Variants in GPC6 observed in about 807,000 individuals in gnomAD.
GPC6 encodes the protein glypican 6.
GPC6 carries 14 observed loss-of-function variants against 55.2 expected under a neutral mutation model. The observed-to-expected ratio is 0.25, with a 90% confidence interval of 0.17 to 0.40. The LOEUF (loss-of-function observed/expected upper bound fraction) is 0.40, where lower values mean the gene tolerates loss of function less well. GPC6 is among the 10% of genes least tolerant of loss of function. The probability of loss-of-function intolerance (pLI) is 1.00; values close to 1 mark genes in which losing one functional copy is unlikely to be tolerated. For missense variants in GPC6, 641 were observed against 708.5 expected (o/e 0.90, Z 1.08); for synonymous variants, 278 against 259.6 (o/e 1.07, Z -0.68).
chr13:93,657,285 G>A (rs1419350859), intron 2 of GPC6, among the ~76,000 whole-genome samples: 1 of 151,990 alleles, frequency 6.6e-6, no homozygotes, highest in East Asian at 1.9e-4. Context: ...AGAGAACCCA[G>A]AAATAAAACT....
intron 6 of GPC6, among the ~76,000 whole-genome samples, chr13:94,376,965 A>C (rs2139200654): frequency 6.6e-6 from 1 of 152,012 alleles, no homozygotes; most frequent in East Asian, 1.9e-4. Flanking sequence ...TTCCCTATTT[A>C]ATAAATGGTG....
At chr13:94,253,849 C>T (rs1333261) in intron 4 of GPC6, among the ~76,000 whole-genome samples, 53,329 of 151,910 alleles carry the variant, frequency 0.35, 11,492 homozygotes, top group African/African-American at 0.6. Context: ...CAGTAAATGA[C>T]GGAACACTTT....
intron 1 of GPC6, among the ~76,000 whole-genome samples, chr13:93,321,316 A>G (rs1451007312): frequency 6.6e-6 from 1 of 152,086 alleles, no homozygotes; most frequent in African/African-American, 2.4e-5. Context: ...GGCAAATCGC[A>G]TTACTTGCTT....
chr13:93,887,949 G>A (rs946747813), intron 3 of GPC6, among the ~76,000 whole-genome samples: 4 of 152,082 alleles, frequency 2.6e-5, no homozygotes, highest in African/African-American at 9.7e-5. Context: ...ATGGCCAGCA[G>A]TCCATCTGGG....
intron 1 of GPC6, among the ~76,000 whole-genome samples, chr13:93,500,251 C>T (rs574272920): frequency 3.3e-5 from 5 of 152,182 alleles, no homozygotes; most frequent in South Asian, 2.1e-4. Flanking sequence ...GTGGGACTAA[C>T]GGATTTATCT....
chr13:93,828,545 A>G (rs1442131987), intron 2 of GPC6, among the ~76,000 whole-genome samples: 2 of 152,050 alleles, frequency 1.3e-5, no homozygotes, highest in Admixed American at 1.3e-4. Flanking sequence ...ATCTGCTTCA[A>G]TAGTCATTTT....
At chr13:93,319,235 C>T (rs528410628) in intron 1 of GPC6, among the ~76,000 whole-genome samples, 13 of 152,232 alleles carry the variant, frequency 8.5e-5, no homozygotes, top group African/African-American at 3.1e-4. Flanking sequence ...TGACAAGCTG[C>T]AGCCCTCGTG....
chr13:94,136,080 G>C (rs1272560270), intron 4 of GPC6, among the ~76,000 whole-genome samples: 1 of 151,934 alleles, frequency 6.6e-6, no homozygotes, highest in East Asian at 1.9e-4. Context: ...TTCCAAATAA[G>C]CAATTAGTTT....
At chr13:93,383,960 T>C (rs1027316718) in intron 1 of GPC6, among the ~76,000 whole-genome samples, 1 of 152,166 alleles carries the variant, frequency 6.6e-6, no homozygotes, top group African/African-American at 2.4e-5. Flanking sequence ...ACCTTTATTC[T>C]TAAGAAATGA....
intron 1 of GPC6, among the ~76,000 whole-genome samples, chr13:93,369,976 A>G (rs1435862499): frequency 6.6e-6 from 1 of 152,138 alleles, no homozygotes; most frequent in Admixed American, 6.6e-5. Flanking sequence ...GCCAATAGAC[A>G]TCCCCCCAAA....
At chr13:93,851,330 A>G (rs1888387754) in intron 3 of GPC6, among the ~76,000 whole-genome samples, 1 of 151,956 alleles carries the variant, frequency 6.6e-6, no homozygotes, top group Non-Finnish European at 1.5e-5. Context: ...ACTGCCAGAG[A>G]TAATGGATGT....
chr13:94,285,729 C>G, intron 4 of GPC6, among the ~76,000 whole-genome samples: 1 of 152,158 alleles, frequency 6.6e-6, no homozygotes, highest in East Asian at 1.9e-4. Flanking sequence ...ATTTCGTCAA[C>G]TTTTTTGAGA....
At chr13:93,512,467 T>G (rs1881018069) in intron 1 of GPC6, among the ~76,000 whole-genome samples, 1 of 152,178 alleles carries the variant, frequency 6.6e-6, no homozygotes. Flanking sequence ...TCAGCTTAAT[T>G]GATTTGTGTA....
chr13:93,888,849 T>C (rs1442275555), intron 3 of GPC6, among the ~76,000 whole-genome samples: 1 of 152,134 alleles, frequency 6.6e-6, no homozygotes, highest in East Asian at 1.9e-4. Flanking sequence ...GTCTTGACTA[T>C]TCAAAAACTG....
chr13:93,453,369 G>A (rs893071976), intron 1 of GPC6, among the ~76,000 whole-genome samples: 3 of 152,028 alleles, frequency 2.0e-5, no homozygotes, highest in Admixed American at 2.0e-4. Context: ...AACATTGAGT[G>A]AGATCGTCAA....
chr13:93,748,788 A>T (rs1884484225), intron 2 of GPC6, among the ~76,000 whole-genome samples: 1 of 152,094 alleles, frequency 6.6e-6, no homozygotes, highest in African/African-American at 2.4e-5. Flanking sequence ...CTTTGAAGGG[A>T]TAAGAGTGTC....
intron 2 of GPC6, among the ~76,000 whole-genome samples, chr13:93,697,331 GAA>G (rs1370796013): frequency 6.6e-6 from 1 of 152,120 alleles, no homozygotes; most frequent in Non-Finnish European, 1.5e-5. Context: ...GGATTCTGAT[GAA>G]AGTTTCCTCT....
chr13:93,640,231 C>A (rs1418143201), intron 2 of GPC6, among the ~76,000 whole-genome samples: 2 of 150,388 alleles, frequency 1.3e-5, no homozygotes, highest in Non-Finnish European at 3.0e-5. Context: ...TGTTAAAAAT[C>A]CTTTTTTCAG....
At chr13:94,092,605 A>T (rs1885529127) in intron 4 of GPC6, among the ~76,000 whole-genome samples, 1 of 152,060 alleles carries the variant, frequency 6.6e-6, no homozygotes, top group Non-Finnish European at 1.5e-5. Context: ...GGGAGTACAG[A>T]TATTTTTTGG....
Sources: gnomAD v4.1 joint callset for allele counts (sites outside exome capture counted in the v4.1 genomes callset) on GRCh38, gnomAD v4.1.1 for gene constraint, MANE v1.5 for transcripts, NCBI Gene and HGNC (gene_info 2026-07-23, HGNC 2026-07-21) for gene names.